EPS15L1: variants seen among roughly 807,000 people sequenced by gnomAD.
EPS15L1 encodes the protein epidermal growth factor receptor pathway substrate 15 like 1.
In EPS15L1, 43 loss-of-function variants were observed where a neutral mutation model predicts 117.1. That is an observed-to-expected ratio of 0.37 (90% CI 0.29 to 0.47). The LOEUF (loss-of-function observed/expected upper bound fraction) is 0.47. Among genes scored for constraint, EPS15L1 ranks in the 20% least tolerant of loss-of-function variants. EPS15L1 has a pLI of 0.99. For missense variants in EPS15L1, 981 were observed against 1,164.0 expected, an observed-to-expected ratio of 0.84 and a Z score of 2.29; for synonymous variants, 459 against 470.5, an observed-to-expected ratio of 0.98 and a Z score of 0.32.
chr19:16,371,882 T>C lies in EPS15L1; in HGVS notation c.2380+5240A>G, dbSNP rs1350731598. 2.0e-5 allele frequency among the ~76,000 whole-genome samples: 3 copies of C among 152,342 alleles called. No individual in the cohort carries two copies. The East Asian group carries it at 5.8e-4, about 29-fold the overall frequency. On this transcript the variant is annotated intron_variant, in intron 22 of 23. Transcript: ENST00000455140. The surrounding 1 kb of genome is among the most constrained non-coding windows in gnomAD (Gnocchi z 4.7). ...TGCAGAAAATATACCATTGTTTACC[T>C]GGGGGAGGTGTGTGCCACGGCTAAC...
chr19:16,468,873 G>C (rs935496832), intron 1 of EPS15L1, among the ~76,000 whole-genome samples: 4 of 152,176 alleles, frequency 2.6e-5, no homozygotes, highest in Admixed American at 2.0e-4. Flanking sequence ...TTAATTAGCT[G>C]GGTATGATTG....
chr19:16,417,403 T>G, intron 12 of EPS15L1, 149 bp downstream of exon 12: 1 of 681,700 alleles, frequency 1.5e-6, no homozygotes, highest in Non-Finnish European at 2.6e-6. Context: ...CTTGAGCCAG[T>G]TTAGGACCTC....
rs149910805 is a variant in EPS15L1, at chr19:16,436,997, G to A, written c.312C>T (p.His104=). 4.2e-5 allele frequency: 67 copies of A among 1,613,806 alleles called. No homozygotes were observed. In the African/African-American group the frequency reaches 6.0e-4, roughly 14 times the overall value. The part of the protein sequence containing the change: ...LNLSMPPPKF[H]DTSSPLMVTP... Reference sequence around the variant, plus strand: ...TGACCATCAGAGGGCTGCTGGTGTCGTGCTGAGAAGAGAGAGAAACATTCC... The same window carrying A: ...TGACCATCAGAGGGCTGCTGGTGTCATGCTGAGAAGAGAGAGAAACATTCC... Residue 104 remains histidine (H), a splice_region_variant and synonymous_variant, in exon 6 of 24, where the codon CAC becomes CAT. Transcript: ENST00000455140.
intron 17 of EPS15L1, 101 bp downstream of exon 17, chr19:16,395,243 C>A: frequency 4.7e-5 from 48 of 1,012,416 alleles, no homozygotes; most frequent in Middle Eastern, 2.4e-4. Context: ...CCCTCCATTT[C>A]AGATTGTGGC....
chr19:16,422,165 G>C (rs1816929698), intron 9 of EPS15L1, among the ~76,000 whole-genome samples: 1 of 152,122 alleles, frequency 6.6e-6, no homozygotes. Context: ...CCTGGGGCTG[G>C]GTCACCCGCT....
chr19:16,414,598 G>A (rs973200489), intron 12 of EPS15L1, among the ~76,000 whole-genome samples: 4 of 151,820 alleles, frequency 2.6e-5, no homozygotes, highest in African/African-American at 9.7e-5. Flanking sequence ...ACGGGGTTTC[G>A]CTGTGTTGGC....
chr19:16,409,488 C>A (rs2092686720), intron 13 of EPS15L1, among the ~76,000 whole-genome samples: 1 of 152,170 alleles, frequency 6.6e-6, no homozygotes, highest in African/African-American at 2.4e-5. Context: ...AAAGGATAAA[C>A]CAGACTTCAC....
intron 1 of EPS15L1, among the ~76,000 whole-genome samples, chr19:16,470,523 A>C (rs1025098403): frequency 2.3e-4 from 26 of 111,514 alleles, no homozygotes; most frequent in African/African-American, 8.8e-4. Context: ...CCCCCTGACT[A>C]CATACTCTAA....
chr19:16,454,369 G>T (rs187494719), intron 1 of EPS15L1, among the ~76,000 whole-genome samples: 1 of 152,162 alleles, frequency 6.6e-6, no homozygotes, highest in African/African-American at 2.4e-5. Flanking sequence ...CTATCGCCCC[G>T]CTACTGGAAC....
In EPS15L1 at chr19:16,355,806, C is replaced by T. The variant is rs1435117542; in HGVS notation, c.2632G>A (p.Glu878Lys). ...GCCAGCCTCTCCTGTTCCGCCTTCTCGCTCTCCCGCTTGGCCCACGCCAGC... is the reference window on the plus strand; with the variant it reads ...GCCAGCCTCTCCTGTTCCGCCTTCTTGCTCTCCCGCTTGGCCCACGCCAGC... Reference protein sequence around the residue: ...QQLAWAKRESEKAEQERLARL... With the variant: ...QQLAWAKRESKKAEQERLARL... Residue 878 changes from glutamate to lysine, a missense_variant, in exon 24 of 24, where the codon GAG becomes AAG. Coordinates refer to ENST00000455140, the MANE Select transcript of EPS15L1 (RefSeq NM_001258374.3). 49 of 1,536,020 alleles carry T rather than the reference C, an allele frequency of 3.2e-5. No homozygotes were observed. Among genetic ancestry groups the T allele is most frequent in the Non-Finnish European group, 4.1e-5 (47 of 1,146,870 alleles).
At chr19:16,375,283 T>C (rs1817734546) in intron 22 of EPS15L1, among the ~76,000 whole-genome samples, 1 of 152,240 alleles carries the variant, frequency 6.6e-6, no homozygotes, top group Non-Finnish European at 1.5e-5. Context: ...TGTGTTCATG[T>C]GCAAACAGGT....
chr19:16,437,999 T>G, intron 4 of EPS15L1, 134 bp from the exon 5 acceptor site: 1 of 660,666 alleles, frequency 1.5e-6, no homozygotes, highest in South Asian at 1.8e-5. Flanking sequence ...AAAAACCCCT[T>G]GGAGCGTTGG....
chr19:16,373,758 A>G (rs1051673505), intron 22 of EPS15L1, among the ~76,000 whole-genome samples: 1 of 152,156 alleles, frequency 6.6e-6, no homozygotes, highest in Non-Finnish European at 1.5e-5. Context: ...TTCCTTTGCA[A>G]TTCCCCAAAG....
At chr19:16,358,476 G>A (rs1210529960) in intron 23 of EPS15L1, 1 of 152,448 alleles carries the variant, frequency 6.6e-6, no homozygotes, top group East Asian at 1.9e-4. Flanking sequence ...AACCAATAGT[G>A]GCTGGGAAAC....
intron 6 of EPS15L1, chr19:16,434,935 C>CTT (rs111593959): frequency 2.1e-4 from 29 of 139,332 alleles, no homozygotes; most frequent in Admixed American, 5.7e-4. Context: ...AGGAAGTCCT[C>CTT]TTTTTTTTTT....
chr19:16,367,495 G>GT (rs2092149706), intron 22 of EPS15L1, among the ~76,000 whole-genome samples: 1 of 63,902 alleles, frequency 1.6e-5, no homozygotes, highest in Admixed American at 2.3e-4. Context: ...AGTATGTGCT[G>GT]TTAAAAAAAA....
intron 13 of EPS15L1, 160 bp downstream of exon 13, chr19:16,413,613 G>T: frequency 9.7e-6 from 6 of 618,774 alleles, no homozygotes; most frequent in South Asian, 2.0e-5. Context: ...AATTCAGCCT[G>T]AAAAAAAAAA....
Position 16,417,885 on chromosome 19 carries a change from C to T in EPS15L1, c.1107+63G>A, listed in dbSNP as rs192983154. 180 of 1,557,284 alleles carry T rather than the reference C, an allele frequency of 1.2e-4. 1 individual carries two copies. Among genetic ancestry groups the T allele is most frequent in the Admixed American group, 3.8e-4 (21 of 54,844 alleles). On this transcript the variant is annotated intron_variant, in intron 11 of 23. Coordinates refer to ENST00000455140, the MANE Select transcript of EPS15L1 (RefSeq NM_001258374.3). ...GTGGGCTCATGTGTGCCACCAGTGC[C>T]ACCTGGTGGCAGGCGGTGGGAAGGG...
At chr19:16,417,747 G>A (rs1182514324) in intron 11 of EPS15L1, 110 bp from the exon 12 acceptor site, 1 of 1,158,690 alleles carries the variant, frequency 8.6e-7, no homozygotes, top group Admixed American at 2.0e-5. Context: ...TAGTACACAG[G>A]GTGAGGTAGC....
Sources: gnomAD v4.1 joint callset for allele counts (sites outside exome capture counted in the v4.1 genomes callset) on GRCh38, gnomAD v4.1.1 for gene constraint, Gnocchi (gnomAD v3.1) non-coding constraint, MANE v1.5 for transcripts, NCBI Gene and HGNC (gene_info 2026-07-23, HGNC 2026-07-21) for gene names.